Variants in SYT9 observed in about 807,000 individuals in gnomAD.
SYT9 encodes the protein synaptotagmin-9.
A neutral mutation model predicts 48.4 loss-of-function variants in SYT9; 22 were observed. That is an observed-to-expected ratio of 0.45 (90% CI 0.32 to 0.65). The LOEUF (loss-of-function observed/expected upper bound fraction) is 0.65, where lower values mean the gene tolerates loss of function less well. Among genes scored for constraint, SYT9 ranks in the 30% least tolerant of loss-of-function variants. The pLI is 0.03. For synonymous variants in SYT9, 265 were observed against 245.0 expected (o/e 1.08, Z -0.76); for missense variants, 577 against 622.0 (o/e 0.93, Z 0.77).
At chr11:7,288,920 A>G (rs996724366) in intron 1 of SYT9, among the ~76,000 whole-genome samples, 7 of 152,176 alleles carry the variant, frequency 4.6e-5, no homozygotes, top group African/African-American at 1.7e-4. Flanking sequence ...AGGCACTTCT[A>G]TCTCAAGCCC....
chr11:7,401,706 GTC>G (rs1221511105), intron 3 of SYT9, among the ~76,000 whole-genome samples: 1 of 151,474 alleles, frequency 6.6e-6, no homozygotes, highest in Non-Finnish European at 1.5e-5. Flanking sequence ...TTATTTTAAT[GTC>G]TATGGTATCT....
At chr11:7,354,168 A>C (rs1347621689) in intron 3 of SYT9, among the ~76,000 whole-genome samples, 2 of 152,182 alleles carry the variant, frequency 1.3e-5, no homozygotes, top group African/African-American at 4.8e-5. Flanking sequence ...ACTTCAGAGC[A>C]CCACATTGCA....
At chr11:7,366,918 T>C (rs1018995750) in intron 3 of SYT9, among the ~76,000 whole-genome samples, 6 of 151,896 alleles carry the variant, frequency 4.0e-5, no homozygotes, top group Non-Finnish European at 8.8e-5. Context: ...TTTAATATAT[T>C]ATAAATTTTT....
chr11:7,439,245 T>G (rs1847777695), intron 6 of SYT9: 1 of 152,232 alleles, frequency 6.6e-6, no homozygotes, highest in South Asian at 2.1e-4. Flanking sequence ...AGGAAGTCAC[T>G]CTATCTGCTT....
intron 3 of SYT9, among the ~76,000 whole-genome samples, chr11:7,395,028 T>C (rs1004204253): frequency 6.6e-6 from 1 of 152,120 alleles, no homozygotes. Context: ...TTAATTTTTA[T>C]TTCCATAGGT....
chr11:7,296,551 C>T (rs1046661921), intron 1 of SYT9, among the ~76,000 whole-genome samples: 8 of 152,298 alleles, frequency 5.3e-5, no homozygotes, highest in Admixed American at 1.3e-4. Flanking sequence ...ATTTCTCCTC[C>T]TTCCTCTCCT....
rs2133936875 is a variant in SYT9 at position 7,302,957 on chromosome 11, G to A, written c.146-82G>A. 6.9e-6 allele frequency: 9 copies of A among 1,299,608 alleles called. No homozygotes were observed. The East Asian group carries it at 7.0e-5, about 10-fold the overall frequency. 80.5% of individuals were successfully genotyped at this position (1,299,608 alleles called of 1,614,324 possible). A position where few individuals can be genotyped will look rare whatever the true frequency, so the allele number is the denominator to read the frequency against. ...CGGCTCCCAAGGGATGAGTGGATGA[G>A]AGGGTCATTCTGCCCACGCTGTGCA... On this transcript the variant is annotated intron_variant, in intron 1 of 6. Coordinates refer to ENST00000318881, the MANE Select transcript of SYT9 (RefSeq NM_175733.4).
chr11:7,255,022 C>G (rs972859650), intron 1 of SYT9, among the ~76,000 whole-genome samples: 2 of 152,134 alleles, frequency 1.3e-5, no homozygotes, highest in Admixed American at 1.3e-4. Flanking sequence ...AAAAAATAAG[C>G]CTAAGTCACA....
intron 3 of SYT9, among the ~76,000 whole-genome samples, chr11:7,372,581 C>A (rs1283869411): frequency 6.6e-6 from 1 of 152,172 alleles, no homozygotes; most frequent in Non-Finnish European, 1.5e-5. Flanking sequence ...GTTGCCCAGA[C>A]TGGTCTTGAA....
intron 1 of SYT9, among the ~76,000 whole-genome samples, chr11:7,288,996 G>A (rs1848650559): frequency 6.6e-6 from 1 of 152,206 alleles, no homozygotes; most frequent in African/African-American, 2.4e-5. Context: ...GATGCTGATG[G>A]ATGCCCAGAA....
chr11:7,401,739 A>AT (rs1299310140), intron 3 of SYT9, among the ~76,000 whole-genome samples: 5 of 151,778 alleles, frequency 3.3e-5, no homozygotes, highest in African/African-American at 1.2e-4. Flanking sequence ...ACAGACTTCC[A>AT]TTTTTATGTT....
intron 6 of SYT9, among the ~76,000 whole-genome samples, chr11:7,445,406 T>C (rs1377653421): frequency 6.6e-6 from 1 of 152,100 alleles, no homozygotes; most frequent in Non-Finnish European, 1.5e-5. Flanking sequence ...TGCTCTCTGC[T>C]CTCTCTGACC....
intron 3 of SYT9, among the ~76,000 whole-genome samples, chr11:7,345,275 G>T (rs4758175): frequency 0.24 from 37,047 of 152,134 alleles, 5,059 homozygotes; most frequent in Non-Finnish European, 0.31. Context: ...TCTGTACTGT[G>T]TCTCTGAAAC....
At chr11:7,256,239 A>G (rs1388617699) in intron 1 of SYT9, among the ~76,000 whole-genome samples, 14 of 152,122 alleles carry the variant, frequency 9.2e-5, no homozygotes, top group Non-Finnish European at 2.9e-5. Context: ...CAAGCACTTT[A>G]TGTAGGTCAT....
At chr11:7,416,884 TATC>T (rs1321555137) in intron 4 of SYT9, among the ~76,000 whole-genome samples, 1 of 152,158 alleles carries the variant, frequency 6.6e-6, no homozygotes, top group Non-Finnish European at 1.5e-5. Context: ...TTTCCTCAAA[TATC>T]ATCATCCCAG....
chr11:7,252,225 G>A lies in SYT9; in HGVS notation c.39G>A (p.Leu13=), dbSNP rs1219662849. 2.0e-6 allele frequency: 3 copies of A among 1,492,902 alleles called. No individual in the cohort carries two copies. The highest frequency in any genetic ancestry group is 8.9e-7 in the Non-Finnish European group (1 of 1,122,000). 92.5% of individuals were successfully genotyped at this position (1,492,902 alleles called of 1,614,324 possible). Reference sequence around the variant, plus strand: ...GGGACGCGCTCTGTCACCAGGCGCTGCAGCTGCTGGCCGAGCTCTGTGCCC... The same window carrying A: ...GGGACGCGCTCTGTCACCAGGCGCTACAGCTGCTGGCCGAGCTCTGTGCCC... ...GARDALCHQA[L]QLLAELCARG... Residue 13 remains leucine (L), a synonymous_variant, in exon 1 of 7, where the codon CTG becomes CTA. Coordinates refer to ENST00000318881, the MANE Select transcript of SYT9 (RefSeq NM_175733.4). The surrounding 1 kb of genome is among the most constrained non-coding windows in gnomAD (Gnocchi z 6.3).
At chr11:7,404,951 T>C (rs1003347344) in intron 3 of SYT9, among the ~76,000 whole-genome samples, 8 of 152,140 alleles carry the variant, frequency 5.3e-5, no homozygotes, top group Non-Finnish European at 1.0e-4. Flanking sequence ...ATTCCCAATA[T>C]ATCTTTCTAA....
chr11:7,413,485 C>A lies in SYT9; in HGVS notation c.1045-2557C>A, dbSNP rs1024051035. Among the ~76,000 whole-genome samples, 4 of 152,156 alleles carry A rather than the reference C, an allele frequency of 2.6e-5. No homozygotes were observed. The South Asian group carries it at 8.3e-4, about 32-fold the overall frequency. ...AGGCCTGTGAGGATCGAGGGGCTCT[C>A]CTGTCAGTAAGATAGTATGTGGTGG... On this transcript the variant is annotated intron_variant, in intron 3 of 6. Coordinates refer to ENST00000318881, the MANE Select transcript of SYT9 (RefSeq NM_175733.4).
At chr11:7,380,627 A>G (rs1345125827) in intron 3 of SYT9, among the ~76,000 whole-genome samples, 1 of 152,188 alleles carries the variant, frequency 6.6e-6, no homozygotes, top group Non-Finnish European at 1.5e-5. Flanking sequence ...ACAGCAAAAA[A>G]TAAAAACAGA....
Sources: gnomAD v4.1 joint callset for allele counts (sites outside exome capture counted in the v4.1 genomes callset) on GRCh38, gnomAD v4.1.1 for gene constraint, Gnocchi (gnomAD v3.1) non-coding constraint, MANE v1.5 for transcripts, NCBI Gene and HGNC (gene_info 2026-07-23, HGNC 2026-07-21) for gene names.